The following GATB variants were observed in gnomAD, a reference collection of about 807,000 sequenced individuals.
GATB encodes the protein glutamyl-tRNA(Gln) amidotransferase subunit B, mitochondrial.
GATB carries 39 observed loss-of-function variants against 62.3 expected under a neutral mutation model. The ratio of observed to expected loss-of-function variants is 0.63; its 90% CI spans 0.48 to 0.82. GATB has a LOEUF of 0.82. Among genes scored for constraint, GATB ranks in the 40% least tolerant of loss-of-function variants. The probability of loss-of-function intolerance (pLI) is 0.00; values close to 1 mark genes in which losing one functional copy is unlikely to be tolerated. For synonymous variants in GATB, 276 were observed against 258.9 expected (o/e 1.07, Z -0.63); for missense variants, 670 against 684.0 (o/e 0.98, Z 0.23).
intron 2 of GATB, among the ~76,000 whole-genome samples, chr4:151,732,497 G>A (rs1739289076): frequency 6.6e-6 from 1 of 152,030 alleles, no homozygotes; most frequent in South Asian, 2.1e-4. Context: ...GATGTGCTTT[G>A]TTAAACAGAT....
intron 2 of GATB, among the ~76,000 whole-genome samples, chr4:151,751,231 G>A (rs143654991): frequency 1.4e-4 from 22 of 152,200 alleles, no homozygotes; most frequent in African/African-American, 4.8e-4. Flanking sequence ...AAAATGAAAA[G>A]CACTTCACCA....
chr4:151,675,173 C>G (rs536203212), intron 11 of GATB: 1 of 152,308 alleles, frequency 6.6e-6, no homozygotes, highest in South Asian at 2.1e-4. Context: ...AGGACAGATG[C>G]CTTCAAACGA....
At chr4:151,718,947 C>T (rs540280644) in intron 3 of GATB, among the ~76,000 whole-genome samples, 1 of 152,336 alleles carries the variant, frequency 6.6e-6, no homozygotes, top group East Asian at 1.9e-4. Flanking sequence ...TTTCCGCTTA[C>T]TATTGTCCAC....
In GATB at chr4:151,701,393, C is replaced by A. The variant is rs201854084; in HGVS notation, c.1133G>T (p.Ser378Ile). The change falls in exon 9 of 13, where the codon AGT becomes ATT. Residue 378 changes from serine to isoleucine, a missense_variant. Coordinates refer to ENST00000263985, the MANE Select transcript of GATB (RefSeq NM_004564.3). ...QIRETLPELP[S>I]VTREKLVQQY... ...TTGGACAAGCTTCTCTCGGGTCACA[C>A]TGGGGAGCTCCGGGAGTGTCTCCCG... 19 of 1,603,616 alleles carry A rather than the reference C, an allele frequency of 1.2e-5. No individual in the cohort carries two copies. Among genetic ancestry groups the A allele is most frequent in the Middle Eastern group, 1.6e-4 (1 of 6,064 alleles).
chr4:151,752,014 T>G (rs989026272), intron 2 of GATB, among the ~76,000 whole-genome samples: 1 of 152,168 alleles, frequency 6.6e-6, no homozygotes, highest in Non-Finnish European at 1.5e-5. Context: ...TTTTTGAGAG[T>G]CTGTCTGAAA....
intron 2 of GATB, among the ~76,000 whole-genome samples, chr4:151,727,420 G>A (rs910380681): frequency 4.6e-5 from 7 of 152,200 alleles, no homozygotes; most frequent in African/African-American, 1.4e-4. Flanking sequence ...CAACTGCTAC[G>A]GCATACATTT....
At chr4:151,707,375 C>T (rs1289672442) in intron 6 of GATB, among the ~76,000 whole-genome samples, 1 of 152,168 alleles carries the variant, frequency 6.6e-6, no homozygotes, top group Non-Finnish European at 1.5e-5. Context: ...CTCACTACAA[C>T]CTCAAACTCC....
chr4:151,690,891 G>C (rs1738352651), intron 9 of GATB, among the ~76,000 whole-genome samples: 1 of 152,204 alleles, frequency 6.6e-6, no homozygotes, highest in Non-Finnish European at 1.5e-5. Flanking sequence ...GAGTGGGGCT[G>C]AAGGAGGCTG....
chr4:151,707,125 T>C (rs1334116391), intron 6 of GATB, among the ~76,000 whole-genome samples: 2 of 152,166 alleles, frequency 1.3e-5, no homozygotes, highest in African/African-American at 4.8e-5. Flanking sequence ...ATAATGACCA[T>C]TTAGGTCAAG....
chr4:151,697,949 GTGTGTATATATATATATATATATATATA>G (rs1738508491), intron 9 of GATB, among the ~76,000 whole-genome samples: 1 of 96,974 alleles, frequency 1.0e-5, no homozygotes, highest in African/African-American at 6.6e-5. Context: ...GTGTGTGTGT[GTGTGTATATATATATATATATATATATA>G]TATATATATA....
rs59899659 is a variant in GATB, at chr4:151,671,328, A to ACTTG, written c.1546-27_1546-26insCAAG. ...CTAGAAGGACAGAAATTACTTACTT[A>ACTTG]AGAGGAGAAAATGAAGGGATTCATG... On this transcript the variant is annotated intron_variant, in intron 12 of 12. Transcript: ENST00000263985. 7 of 1,610,556 alleles carry ACTTG rather than the reference A, an allele frequency of 4.3e-6. No individual in the cohort carries two copies. The African/African-American group carries it at 8.1e-5, about 19-fold the overall frequency.
intron 2 of GATB, among the ~76,000 whole-genome samples, chr4:151,735,667 T>C (rs1310908838): frequency 1.4e-5 from 2 of 147,786 alleles, no homozygotes; most frequent in African/African-American, 5.1e-5. Flanking sequence ...GCAGCACAAT[T>C]CACAACTGCA....
At position 151,760,854 on chromosome 4, in the gene GATB, G is replaced by C. The variant is rs537155081; in HGVS notation, c.129C>G (p.Ser43Arg). Reference protein sequence around the residue: ...GSTSNQIRGESSVAQQPLHTA... With the variant: ...GSTSNQIRGERSVAQQPLHTA... ...TGTGGAGGGGCTGCTGAGCCACTGA[G>C]CTCTCTCCCCTAATCTGGTTGGATG... Residue 43 changes from serine to arginine, a missense_variant, in exon 1 of 13, where the codon AGC becomes AGG. Coordinates refer to ENST00000263985, the MANE Select transcript of GATB (RefSeq NM_004564.3). 4 of 1,613,436 alleles carry C rather than the reference G, an allele frequency of 2.5e-6. No homozygotes were observed. The highest frequency in any genetic ancestry group is 1.7e-5 in the Admixed American group (1 of 59,938).
intron 11 of GATB, among the ~76,000 whole-genome samples, chr4:151,678,563 G>C (rs1464547212): frequency 6.6e-6 from 1 of 152,058 alleles, no homozygotes; most frequent in Non-Finnish European, 1.5e-5. Flanking sequence ...AGACAAGCAA[G>C]AGCCTTTCCT....
At chr4:151,719,066 T>C (rs1738973703) in intron 3 of GATB, among the ~76,000 whole-genome samples, 1 of 152,240 alleles carries the variant, frequency 6.6e-6, no homozygotes, top group East Asian at 1.9e-4. Context: ...AGAACTACAG[T>C]ATGCATTTAC....
intron 8 of GATB, among the ~76,000 whole-genome samples, chr4:151,702,734 T>C (rs536962290): frequency 4.6e-5 from 7 of 152,318 alleles, no homozygotes; most frequent in African/African-American, 1.4e-4. Context: ...AAACAAGATG[T>C]CCCTCCCTCT....
chr4:151,748,578 A>G (rs1350804382), intron 2 of GATB, among the ~76,000 whole-genome samples: 2 of 152,142 alleles, frequency 1.3e-5, no homozygotes, highest in African/African-American at 4.8e-5. Flanking sequence ...AACCTAGGCA[A>G]TACCATTCAG....
chr4:151,679,218 C>T (rs2007445), intron 11 of GATB, among the ~76,000 whole-genome samples: 90,850 of 152,158 alleles, frequency 0.6, 29,675 homozygotes, highest in African/African-American at 0.88. Context: ...TTGTAAGAAT[C>T]TTCTGAATTC....
At chr4:151,739,275 T>C (rs1445860072) in intron 2 of GATB, among the ~76,000 whole-genome samples, 10 of 152,174 alleles carry the variant, frequency 6.6e-5, no homozygotes, top group Non-Finnish European at 1.3e-4. Flanking sequence ...GGTGAAAGGC[T>C]GGGGAACACA....
Sources: allele counts gnomAD v4.1 joint callset (sites outside exome capture counted in the v4.1 genomes callset), GRCh38; gene constraint gnomAD v4.1.1; transcripts MANE v1.5; gene names NCBI Gene and HGNC (gene_info 2026-07-23, HGNC 2026-07-21).